TSPEAR: variants seen among roughly 807,000 people sequenced by gnomAD.
The protein encoded by TSPEAR is thrombospondin type laminin G domain and EAR repeats.
TSPEAR carries 69 observed loss-of-function variants against 71.6 expected under a neutral mutation model. The ratio of observed to expected loss-of-function variants is 0.96; its 90% CI spans 0.79 to 1.18. TSPEAR has a LOEUF of 1.18. Ranked by LOEUF, TSPEAR falls within the 50% of genes most tolerant of loss-of-function variation. The probability of loss-of-function intolerance (pLI) is 0.00; values close to 1 mark genes in which losing one functional copy is unlikely to be tolerated. For synonymous variants in TSPEAR, 402 were observed against 387.2 expected (o/e 1.04, Z -0.45); for missense variants, 971 against 894.9 (o/e 1.09, Z -1.09).
At chr21:44,575,611 T>C (rs1555923877) in intron 1 of TSPEAR, among the ~76,000 whole-genome samples, 1 of 152,230 alleles carries the variant, frequency 6.6e-6, no homozygotes, top group Non-Finnish European at 1.5e-5. Context: ...ATAGTTCTTT[T>C]TGCTGATTTG....
chr21:44,592,541 C>G (rs760990458), intron 1 of TSPEAR: 1 of 1,554,404 alleles, frequency 6.4e-7, no homozygotes, highest in Non-Finnish European at 8.7e-7. Flanking sequence ...CTGAGGCTCT[C>G]GGGCTTTTAT....
chr21:44,608,135 G>T (rs767208194), intron 1 of TSPEAR, among the ~76,000 whole-genome samples: 1 of 152,104 alleles, frequency 6.6e-6, no homozygotes, highest in Non-Finnish European at 1.5e-5. Flanking sequence ...TGTGGTAGTG[G>T]TTACATGGGT....
rs1397373342 is a variant in TSPEAR at position 44,711,506 on chromosome 21, G to A, written c.9C>T (p.Ala3=). Residue 3 remains alanine (A), a synonymous_variant, in exon 1 of 12, where the codon GCC becomes GCT. Coordinates refer to ENST00000323084, the MANE Select transcript of TSPEAR (RefSeq NM_144991.3). The surrounding 1 kb of genome is among the most constrained non-coding windows in gnomAD (Gnocchi z 4.5). ...GCAGCACAAAACACAGACTCAGCAGGGCAGACATGAGGGGCTTGGGTGCCA... is the reference window on the plus strand; with the variant it reads ...GCAGCACAAAACACAGACTCAGCAGAGCAGACATGAGGGGCTTGGGTGCCA... MS[A]LLSLCFVLPL... is the part of the protein sequence containing the mutation. 2 of 1,611,610 alleles carry A rather than the reference G, an allele frequency of 1.2e-6. No homozygotes were observed. The highest frequency in any genetic ancestry group is 1.3e-5 in the African/African-American group (1 of 74,920).
chr21:44,674,515 G>C (rs1986209507), intron 1 of TSPEAR, among the ~76,000 whole-genome samples: 1 of 152,090 alleles, frequency 6.6e-6, no homozygotes, highest in Admixed American at 6.6e-5. Context: ...CCAAGAGTTT[G>C]AGACCAGCCC....
Position 44,612,384 on chromosome 21 carries a change from C to G in TSPEAR, c.83-44379G>C. On this transcript the variant is annotated intron_variant, in intron 1 of 11. Transcript: ENST00000323084. This position sits in a 1 kb window ranked among gnomAD's most constrained non-coding sequence, Gnocchi z 4.1. ...CAATCAGGCTGCACCGACTCCTGCA[C>G]ACCTTCATGCTGCCAGCAGTCTAGC... 6.2e-7 allele frequency: 1 copy of G among 1,614,090 alleles called. No homozygotes were observed. The highest frequency in any genetic ancestry group is 1.7e-5 in the Admixed American group (1 of 60,034).
At chr21:44,555,951 C>G (rs2053520923) in intron 2 of TSPEAR, among the ~76,000 whole-genome samples, 1 of 152,204 alleles carries the variant, frequency 6.6e-6, no homozygotes, top group South Asian at 2.1e-4. Context: ...GCCATCGAAA[C>G]TGCAAAGGAG....
chr21:44,633,376 T>A (rs587724164), intron 1 of TSPEAR, among the ~76,000 whole-genome samples: 14 of 152,300 alleles, frequency 9.2e-5, no homozygotes, highest in Non-Finnish European at 1.9e-4. Flanking sequence ...AGCTACAAAT[T>A]TCCCTCCATA....
Position 44,513,090 on chromosome 21 carries a change from A to AAATT in TSPEAR, c.1567-3708_1567-3705dup, listed in dbSNP as rs2052441795. ...TTGAAACATACTTTGGCAAAAAGAA[A>AAATT]AATTAGTTTATCTGCAACTGGCTGG... On this transcript the variant is annotated intron_variant, in intron 9 of 11. Transcript: ENST00000323084. Among the ~76,000 whole-genome samples, 7 of 152,346 alleles carry AAATT rather than the reference A, an allele frequency of 4.6e-5. No individual in the cohort carries two copies. In the South Asian group the frequency reaches 1.4e-3, roughly 32 times the overall value.
At chr21:44,557,790 G>A (rs1482031877) in intron 2 of TSPEAR, 16 of 541,110 alleles carry the variant, frequency 3.0e-5, no homozygotes, top group Non-Finnish European at 4.9e-5. Context: ...AGACCTCTGA[G>A]AGGGCACATT....
chr21:44,595,328 A>T (rs189898943), intron 1 of TSPEAR, among the ~76,000 whole-genome samples: 26 of 152,282 alleles, frequency 1.7e-4, no homozygotes, highest in Admixed American at 1.6e-3. Flanking sequence ...CCAGCACCGA[A>T]TAACCAAATA....
At chr21:44,548,473 G>A (rs1438740794) in intron 2 of TSPEAR, among the ~76,000 whole-genome samples, 1 of 152,188 alleles carries the variant, frequency 6.6e-6, no homozygotes, top group Non-Finnish European at 1.5e-5. Flanking sequence ...GGTGGGGATG[G>A]GAAGGTCTTG....
chr21:44,540,627 T>C (rs1277038873), intron 2 of TSPEAR, among the ~76,000 whole-genome samples: 7 of 152,204 alleles, frequency 4.6e-5, no homozygotes, highest in Non-Finnish European at 7.3e-5. Context: ...CAGAAGCAGC[T>C]GGTAGAAGCA....
intron 9 of TSPEAR, among the ~76,000 whole-genome samples, chr21:44,512,042 G>A (rs903755446): frequency 1.4e-4 from 21 of 152,190 alleles, no homozygotes; most frequent in East Asian, 1.9e-4. Flanking sequence ...CATGGAGGAC[G>A]GACAGGGGAG....
intron 1 of TSPEAR, among the ~76,000 whole-genome samples, chr21:44,682,433 C>G (rs1198356152): frequency 6.6e-6 from 1 of 152,196 alleles, no homozygotes; most frequent in Non-Finnish European, 1.5e-5. Context: ...TATCTGCCTC[C>G]CTTCGTTAGT....
intron 2 of TSPEAR, among the ~76,000 whole-genome samples, chr21:44,535,351 A>G (rs2053070329): frequency 6.6e-6 from 1 of 152,166 alleles, no homozygotes; most frequent in African/African-American, 2.4e-5. Context: ...ACTTGATTAT[A>G]CTTATTTCCA....
intron 8 of TSPEAR, among the ~76,000 whole-genome samples, chr21:44,524,119 A>ATAGT (rs200466217): frequency 0.033 from 4,859 of 148,662 alleles, 263 homozygotes; most frequent in African/African-American, 0.11. Flanking sequence ...AGTCAGTCAG[A>ATAGT]TAGTCAGTCA....
rs1407589851 is a variant in TSPEAR, at chr21:44,612,748, G to A, written c.83-44743C>T. 18 of 1,613,298 alleles carry A rather than the reference G, an allele frequency of 1.1e-5. No individual in the cohort carries two copies. The highest frequency in any genetic ancestry group is 4.5e-5 in the East Asian group (2 of 44,840). On this transcript the variant is annotated intron_variant, in intron 1 of 11. Transcript: ENST00000323084. This position sits in a 1 kb window ranked among gnomAD's most constrained non-coding sequence, Gnocchi z 4.1. Reference sequence around the variant, plus strand: ...CCGTGTCCCTCCTCTGCCGCCCTGTGTGCCGGCCTGCCTGCTGTGTGCCTG... The same window carrying A: ...CCGTGTCCCTCCTCTGCCGCCCTGTATGCCGGCCTGCCTGCTGTGTGCCTG...
intron 7 of TSPEAR, chr21:44,526,072 C>G (rs2052849323): frequency 2.3e-6 from 1 of 436,128 alleles, no homozygotes; most frequent in African/African-American, 1.9e-5. Context: ...CCCAATATTT[C>G]CACTTCTATT....
At chr21:44,700,232 C>T (rs1987584442) in intron 1 of TSPEAR, among the ~76,000 whole-genome samples, 1 of 152,216 alleles carries the variant, frequency 6.6e-6, no homozygotes, top group African/African-American at 2.4e-5. Flanking sequence ...GCCTTCCAGT[C>T]CAGGGTTCCA....
Sources: gnomAD v4.1 joint callset for allele counts (sites outside exome capture counted in the v4.1 genomes callset) on GRCh38, gnomAD v4.1.1 for gene constraint, Gnocchi (gnomAD v3.1) non-coding constraint, MANE v1.5 for transcripts, NCBI Gene and HGNC (gene_info 2026-07-23, HGNC 2026-07-21) for gene names.